Variants in PHF20L1 observed in about 807,000 individuals in gnomAD.
PHF20L1 encodes the protein PHD finger protein 20-like protein 1.
PHF20L1 carries 44 observed loss-of-function variants against 125.5 expected under a neutral mutation model. That is an observed-to-expected ratio of 0.35 (90% CI 0.28 to 0.45). The LOEUF is 0.45. PHF20L1 is among the 20% of genes least tolerant of loss of function. The pLI is 1.00. For synonymous variants in PHF20L1, 380 were observed against 403.1 expected (o/e 0.94, Z 0.69); for missense variants, 1,012 against 1,217.2 (o/e 0.83, Z 2.51).
chr8:132,814,905 T>G lies in PHF20L1; in HGVS notation c.1183+16T>G. On this transcript the variant is annotated intron_variant, in intron 10 of 20. Coordinates refer to ENST00000395386, the MANE Select transcript of PHF20L1 (RefSeq NM_016018.5). ...AATAAAACTAGTGAGCACAGATTTT[T>G]AAAAAATAGTTATTTATCCTATAAG... 1 of 1,529,744 alleles carries G rather than the reference T, an allele frequency of 6.5e-7. No individual in the cohort carries two copies. The highest frequency in any genetic ancestry group is 8.9e-7 in the Non-Finnish European group (1 of 1,118,304). 94.8% of individuals were successfully genotyped at this position (1,529,744 alleles called of 1,614,324 possible).
intron 14 of PHF20L1, among the ~76,000 whole-genome samples, chr8:132,828,568 G>A (rs556121478): frequency 1.3e-5 from 2 of 152,164 alleles, no homozygotes; most frequent in South Asian, 2.1e-4. Flanking sequence ...ATGCAGTTAT[G>A]CAAAGTAATT....
intron 12 of PHF20L1, chr8:132,817,821 C>A: frequency 3.5e-6 from 1 of 284,054 alleles, no homozygotes; most frequent in Non-Finnish European, 6.6e-6. Context: ...CTTATTTCTA[C>A]TAAATATAAA....
chr8:132,832,649 A>G (rs1587051381), intron 15 of PHF20L1, among the ~76,000 whole-genome samples: 1 of 152,078 alleles, frequency 6.6e-6, no homozygotes, highest in Non-Finnish European at 1.5e-5. Flanking sequence ...TTTTGCACAT[A>G]TATTTTTATA....
chr8:132,822,476 A>C (rs1474176192), intron 12 of PHF20L1, among the ~76,000 whole-genome samples: 1 of 151,972 alleles, frequency 6.6e-6, no homozygotes, highest in Non-Finnish European at 1.5e-5. Context: ...CACTGTTAGC[A>C]ATATATCTGA....
Position 132,846,193 on chromosome 8 carries a change from G to T in PHF20L1, c.*270G>T, listed in dbSNP as rs1418187495. ...AAGTAGAATATAATGTATACTAAGG[G>T]ATTTCAAGTTCTCAGAATTTTTGAG... On this transcript the variant is annotated 3_prime_UTR_variant, in exon 21 of 21. Transcript: ENST00000395386. The T allele has an allele frequency of 1.9e-5, 5 of 258,798 alleles. No homozygotes were observed. The highest frequency in any genetic ancestry group is 3.7e-5 in the Non-Finnish European group (5 of 136,534). The allele number at this position is 258,798 out of a possible 1,614,324, so 16.0% of individuals were successfully genotyped here.
In PHF20L1 at chr8:132,803,989, C is replaced by G; in HGVS notation, c.678C>G (p.Asp226Glu). The G allele has an allele frequency of 6.2e-7, 1 of 1,611,898 alleles. No homozygotes were observed. The highest frequency in any genetic ancestry group is 8.5e-7 in the Non-Finnish European group (1 of 1,178,418). Residue 226 changes from aspartate (D) to glutamate (E), a missense_variant, in exon 7 of 21, where the codon GAC becomes GAG. By Grantham distance (45) the Asp-to-Glu change is conservative. Transcript: ENST00000395386. ...EETSTCIATPDVEKKEDLPTS... is the reference protein window; with the variant it reads ...EETSTCIATPEVEKKEDLPTS... ...CTTCAACTTGTATAGCCACACCAGA[C>G]GTAGAGAAGAAGGAAGATCTGCCTA...
chr8:132,793,192 T>G (rs1447442209), intron 2 of PHF20L1, among the ~76,000 whole-genome samples: 2 of 151,998 alleles, frequency 1.3e-5, no homozygotes, highest in African/African-American at 2.4e-5. Context: ...AAGGGTGGTT[T>G]AGGGCTCGGA....
chr8:132,804,994 A>G (rs1833517473), intron 8 of PHF20L1, among the ~76,000 whole-genome samples: 2 of 151,968 alleles, frequency 1.3e-5, no homozygotes, highest in Non-Finnish European at 2.9e-5. Context: ...GACAAATGCT[A>G]CAAAGCTCAG....
At chr8:132,831,071 C>T (rs760200391) in intron 14 of PHF20L1, among the ~76,000 whole-genome samples, 2 of 152,066 alleles carry the variant, frequency 1.3e-5, no homozygotes, top group Non-Finnish European at 2.9e-5. Flanking sequence ...GCTGTAGCCT[C>T]TGAACTGTCC....
At chr8:132,809,061 G>C (rs891265497) in intron 8 of PHF20L1, 1 of 151,172 alleles carries the variant, frequency 6.6e-6, no homozygotes, top group Admixed American at 6.6e-5. Context: ...TCTTACACTC[G>C]GCCTTTTTTA....
chr8:132,817,194 G>A (rs1835081692), intron 11 of PHF20L1, 118 bp downstream of exon 11: 2 of 892,892 alleles, frequency 2.2e-6, no homozygotes, highest in Non-Finnish European at 3.3e-6. Flanking sequence ...GGAGTTATAA[G>A]CACTTCACTT....
chr8:132,844,960 A>G (rs1244363535), intron 20 of PHF20L1, among the ~76,000 whole-genome samples: 1 of 151,832 alleles, frequency 6.6e-6, no homozygotes, highest in African/African-American at 2.4e-5. Flanking sequence ...ACTTTTTTTA[A>G]TTTGGCATAA....
intron 8 of PHF20L1, chr8:132,809,934 GAC>G (rs1321748624): frequency 6.6e-6 from 1 of 152,128 alleles, no homozygotes; most frequent in Non-Finnish European, 1.5e-5. Context: ...AAGGTTACCT[GAC>G]AGGCTTAGCA....
chr8:132,799,344 A>G (rs559095488), intron 6 of PHF20L1, 172 bp downstream of exon 6: 54 of 492,448 alleles, frequency 1.1e-4, no homozygotes, highest in Non-Finnish European at 1.8e-4. Flanking sequence ...GACACTCTGT[A>G]GGCTGTTTCA....
At chr8:132,778,280 T>C (rs1463922914) in intron 2 of PHF20L1, among the ~76,000 whole-genome samples, 2 of 152,186 alleles carry the variant, frequency 1.3e-5, no homozygotes, top group Non-Finnish European at 2.9e-5. Flanking sequence ...AATTTTGATT[T>C]AAATTGGTAT....
In PHF20L1 at chr8:132,836,933, G is replaced by A. The variant is rs1050419128; in HGVS notation, c.2091+212G>A. ...TTTTAGCATCTCTCTTCCTTTTCTA[G>A]GGTATGTAGTTCAGTGCCTTCAAAC... On this transcript the variant is annotated intron_variant, in intron 16 of 20. Transcript: ENST00000395386. 1.6e-4 allele frequency among the ~76,000 whole-genome samples: 24 copies of A among 152,078 alleles called. No homozygotes were observed. Among genetic ancestry groups the A allele is most frequent in the Non-Finnish European group, 8.8e-5 (6 of 68,000 alleles).
chr8:132,789,629 T>A (rs1363200255), intron 2 of PHF20L1, among the ~76,000 whole-genome samples: 1 of 152,094 alleles, frequency 6.6e-6, no homozygotes, highest in Non-Finnish European at 1.5e-5. Context: ...TCTTGTTTAG[T>A]TTTCTGAGGG....
chr8:132,831,392 C>T (rs1333764747), intron 14 of PHF20L1, among the ~76,000 whole-genome samples: 1 of 151,836 alleles, frequency 6.6e-6, no homozygotes, highest in Non-Finnish European at 1.5e-5. Context: ...TTACTATACC[C>T]TCAACTCTCC....
intron 9 of PHF20L1, chr8:132,812,027 C>G (rs1385470469): frequency 1.0e-6 from 1 of 983,806 alleles, no homozygotes; most frequent in Non-Finnish European, 1.2e-6. Context: ...GATTTGATAA[C>G]AATGCGTTGT....
Sources: allele counts gnomAD v4.1 joint callset (sites outside exome capture counted in the v4.1 genomes callset), GRCh38; gene constraint gnomAD v4.1.1; transcripts MANE v1.5; gene names NCBI Gene and HGNC (gene_info 2026-07-23, HGNC 2026-07-21).